RBFOX1: variants seen among roughly 807,000 people sequenced by gnomAD.
RBFOX1 encodes the protein RNA binding fox-1 homolog 1.
Under a neutral mutation model 57.7 loss-of-function variants are expected in RBFOX1, and 8 were observed. The observed-to-expected ratio is 0.14, with a 90% CI of 0.08 to 0.25. The LOEUF is 0.25. Among genes scored for constraint, RBFOX1 ranks in the 10% least tolerant of loss-of-function variants. RBFOX1 has a pLI of 1.00. For missense variants in RBFOX1, 611 were observed against 548.5 expected, an observed-to-expected ratio of 1.11 and a Z score of -1.14; for synonymous variants, 326 against 222.4, an observed-to-expected ratio of 1.47 and a Z score of -4.15.
chr16:6,149,095 C>G (rs781102198), intron 1 of RBFOX1, among the ~76,000 whole-genome samples: 2 of 152,204 alleles, frequency 1.3e-5, no homozygotes, highest in Admixed American at 6.5e-5. Context: ...GAAATGCAAA[C>G]AAATACTTAG....
chr16:5,371,899 G>C (rs1412792690), intron 1 of RBFOX1, among the ~76,000 whole-genome samples: 2 of 152,176 alleles, frequency 1.3e-5, no homozygotes, highest in African/African-American at 4.8e-5. Context: ...TCAACGGGAG[G>C]TTTCCGACCA....
intron 4 of RBFOX1, among the ~76,000 whole-genome samples, chr16:7,417,459 C>G (rs1160077029): frequency 6.6e-6 from 1 of 151,802 alleles, no homozygotes; most frequent in African/African-American, 2.4e-5. Context: ...AAGTACACCA[C>G]CACCACCAGG....
chr16:6,651,400 A>G (rs181454551), intron 2 of RBFOX1, among the ~76,000 whole-genome samples: 5 of 152,066 alleles, frequency 3.3e-5, no homozygotes, highest in Admixed American at 3.3e-4. Context: ...TTCCCCTGCT[A>G]CACCCTTATC....
At chr16:7,085,963 G>T (rs1011579395) in intron 4 of RBFOX1, among the ~76,000 whole-genome samples, 1 of 152,140 alleles carries the variant, frequency 6.6e-6, no homozygotes, top group Non-Finnish European at 1.5e-5. Flanking sequence ...AAGCAGATTG[G>T]TCAGTGTATG....
intron 3 of RBFOX1, among the ~76,000 whole-genome samples, chr16:7,016,627 G>A (rs1041420965): frequency 6.6e-6 from 1 of 152,330 alleles, no homozygotes; most frequent in East Asian, 1.9e-4. Flanking sequence ...GGTGGATGTG[G>A]AAACAGGCGT....
At chr16:7,080,944 G>C (rs1177576974) in intron 4 of RBFOX1, among the ~76,000 whole-genome samples, 1 of 152,150 alleles carries the variant, frequency 6.6e-6, no homozygotes, top group Non-Finnish European at 1.5e-5. Context: ...AACACAGATA[G>C]CACCTTTAGT....
At chr16:6,718,933 G>T (rs2065376719) in intron 3 of RBFOX1, among the ~76,000 whole-genome samples, 1 of 152,016 alleles carries the variant, frequency 6.6e-6, no homozygotes, top group African/African-American at 2.4e-5. Context: ...CATGATCTCA[G>T]CTTGCTGCAG....
intron 4 of RBFOX1, among the ~76,000 whole-genome samples, chr16:7,253,984 T>G (rs1307002352): frequency 6.6e-6 from 1 of 152,188 alleles, no homozygotes; most frequent in Non-Finnish European, 1.5e-5. Flanking sequence ...AAGAATTGCC[T>G]TGAAAATACG....
At chr16:7,638,597 G>C (rs1488571532) in intron 11 of RBFOX1, among the ~76,000 whole-genome samples, 1 of 152,102 alleles carries the variant, frequency 6.6e-6, no homozygotes, top group Non-Finnish European at 1.5e-5. Flanking sequence ...GTCTGGCCAG[G>C]GCTTAGCAAA....
chr16:6,753,001 T>TACACAATTGTGCAAATTTCAAAA (rs2075211850), intron 3 of RBFOX1, among the ~76,000 whole-genome samples: 1 of 152,160 alleles, frequency 6.6e-6, no homozygotes, highest in African/African-American at 2.4e-5. Context: ...AAATTTCAAA[T>TACACAATTGTGCAAATTTCAAAA]ACACAATTGT....
At chr16:6,889,165 C>A (rs1483995425) in intron 3 of RBFOX1, among the ~76,000 whole-genome samples, 1 of 152,254 alleles carries the variant, frequency 6.6e-6, no homozygotes, top group East Asian at 1.9e-4. Context: ...CAGTAGATCC[C>A]ATTGTTACTG....
intron 4 of RBFOX1, among the ~76,000 whole-genome samples, chr16:7,179,423 C>G (rs1485261837): frequency 1.3e-5 from 2 of 152,128 alleles, no homozygotes; most frequent in African/African-American, 4.8e-5. Flanking sequence ...AATGATGTGT[C>G]CAATCTCCAC....
chr16:5,778,114 C>A (rs545274980), intron 3 of RBFOX1, among the ~76,000 whole-genome samples: 1 of 152,234 alleles, frequency 6.6e-6, no homozygotes, highest in East Asian at 1.9e-4. Flanking sequence ...GTACCGTTGA[C>A]TTCCCTTCCA....
intron 3 of RBFOX1, among the ~76,000 whole-genome samples, chr16:6,672,742 G>T (rs1216026519): frequency 6.6e-6 from 1 of 152,160 alleles, no homozygotes; most frequent in Non-Finnish European, 1.5e-5. Context: ...CAGTGAGGCA[G>T]ACATCAGCAG....
intron 3 of RBFOX1, among the ~76,000 whole-genome samples, chr16:6,866,299 T>A (rs1344838173): frequency 3.9e-5 from 6 of 152,036 alleles, no homozygotes; most frequent in Non-Finnish European, 7.4e-5. Context: ...GCTGATGGGC[T>A]TTAAGTTTCA....
intron 3 of RBFOX1, among the ~76,000 whole-genome samples, chr16:7,045,241 G>C (rs1025542387): frequency 3.3e-5 from 5 of 152,084 alleles, no homozygotes; most frequent in African/African-American, 1.2e-4. Flanking sequence ...GTGGCAACCA[G>C]TTTACTAATA....
intron 1 of RBFOX1, among the ~76,000 whole-genome samples, chr16:5,433,814 G>A (rs1057408968): frequency 1.6e-4 from 25 of 152,224 alleles, no homozygotes; most frequent in African/African-American, 5.1e-4. Flanking sequence ...ATCTAGCATG[G>A]TGCATACCAG....
chr16:6,727,038 G>A (rs925071491), intron 3 of RBFOX1, among the ~76,000 whole-genome samples: 1 of 24,444 alleles, frequency 4.1e-5, no homozygotes, highest in Non-Finnish European at 1.7e-4. Flanking sequence ...TGACCTTCAG[G>A]TATTTGGACT....
chr16:7,009,308 C>T (rs2093530979), intron 3 of RBFOX1, among the ~76,000 whole-genome samples: 1 of 148,628 alleles, frequency 6.7e-6, no homozygotes, highest in Non-Finnish European at 1.5e-5. Context: ...TCTCTTCCTT[C>T]TTTCTCTTTC....
Sources: allele counts gnomAD v4.1 joint callset (sites outside exome capture counted in the v4.1 genomes callset), GRCh38; gene constraint gnomAD v4.1.1; transcripts MANE v1.5; gene names NCBI Gene and HGNC (gene_info 2026-07-23, HGNC 2026-07-21).